Variants in INPP4B observed in about 807,000 individuals in gnomAD.
The protein encoded by INPP4B is inositol polyphosphate-4-phosphatase type II B.
A neutral mutation model predicts 122.5 loss-of-function variants in INPP4B; 55 were observed. The ratio of observed to expected loss-of-function variants is 0.45; its 90% CI spans 0.36 to 0.56. INPP4B has a LOEUF of 0.56. Ranked by LOEUF, INPP4B falls within the 20% of genes least tolerant of loss-of-function variation. INPP4B has a pLI of 0.00. For synonymous variants in INPP4B, 403 were observed against 388.7 expected, an observed-to-expected ratio of 1.04 and a Z score of -0.43; for missense variants, 1,000 against 1,097.7, an observed-to-expected ratio of 0.91 and a Z score of 1.26.
chr4:142,124,653 G>A lies in INPP4B; in HGVS notation c.1828C>T (p.Leu610Phe), dbSNP rs755456865. The A allele has an allele frequency of 8.1e-6, 13 of 1,613,474 alleles. No individual in the cohort carries two copies. In the South Asian group the frequency reaches 1.4e-4, roughly 18 times the overall value. ...AGACACTGGGGCAAGCTGTACGCAA[G>A]TTCCTGAAGGAGCACAAATGTCAGG... The part of the protein sequence containing the change: ...QSLTFVLLQE[L>F]AYSLPQCLML... The change falls in exon 19 of 26, where the codon CTT becomes TTT. Residue 610 changes from leucine (L) to phenylalanine (F), a missense_variant. Coordinates refer to ENST00000262992, the MANE Select transcript of INPP4B (RefSeq NM_001101669.3).
chr4:142,632,211 G>A (rs1748118072), intron 2 of INPP4B, among the ~76,000 whole-genome samples: 1 of 152,022 alleles, frequency 6.6e-6, no homozygotes, highest in Non-Finnish European at 1.5e-5. Flanking sequence ...TCCGACATGG[G>A]GTCACCTTTG....
At chr4:142,547,645 G>A (rs560682536) in intron 2 of INPP4B, among the ~76,000 whole-genome samples, 51 of 152,236 alleles carry the variant, frequency 3.4e-4, no homozygotes, top group African/African-American at 1.2e-3. Context: ...TAAGTGACTT[G>A]GCTGAAGTGA....
intron 1 of INPP4B, among the ~76,000 whole-genome samples, chr4:142,831,448 T>C (rs1782128389): frequency 6.6e-6 from 1 of 152,174 alleles, no homozygotes; most frequent in African/African-American, 2.4e-5. Flanking sequence ...AATTGTGACT[T>C]GTCTGCTTTT....
intron 2 of INPP4B, among the ~76,000 whole-genome samples, chr4:142,517,952 T>C (rs904340325): frequency 6.6e-6 from 1 of 152,212 alleles, no homozygotes; most frequent in African/African-American, 2.4e-5. Context: ...AGAGGTAAAT[T>C]ACTCACTGTC....
At chr4:142,286,965 A>G (rs987203990) in intron 9 of INPP4B, 2 of 152,092 alleles carry the variant, frequency 1.3e-5, no homozygotes, top group Non-Finnish European at 2.9e-5. Context: ...CCTTTTTTTA[A>G]GCTACTTGAT....
chr4:142,281,152 A>G, intron 9 of INPP4B, among the ~76,000 whole-genome samples: 1 of 151,850 alleles, frequency 6.6e-6, no homozygotes. Flanking sequence ...GAAAGAGGAA[A>G]AGAGTGCTAC....
chr4:142,781,744 G>A (rs1774857087), intron 1 of INPP4B, among the ~76,000 whole-genome samples: 3 of 152,066 alleles, frequency 2.0e-5, no homozygotes, highest in African/African-American at 7.2e-5. Context: ...TTCACGTAAG[G>A]TGTGTGCCAC....
intron 1 of INPP4B, among the ~76,000 whole-genome samples, chr4:142,833,394 T>A (rs1044074031): frequency 2.6e-5 from 4 of 152,116 alleles, no homozygotes; most frequent in Admixed American, 6.6e-5. Context: ...TCACCCAAGA[T>A]GAATTTATAT....
chr4:142,399,154 T>C (rs1800739063), intron 7 of INPP4B, among the ~76,000 whole-genome samples: 1 of 150,590 alleles, frequency 6.6e-6, no homozygotes, highest in Non-Finnish European at 1.5e-5. Context: ...CAAAGTTTTA[T>C]GGTGATGTTC....
intron 9 of INPP4B, among the ~76,000 whole-genome samples, chr4:142,293,543 A>G (rs1579627516): frequency 1.3e-5 from 2 of 152,228 alleles, no homozygotes; most frequent in African/African-American, 4.8e-5. Context: ...CTTCTCTTCT[A>G]CCTTCTTAAA....
chr4:142,688,922 C>T (rs894073164), intron 2 of INPP4B, among the ~76,000 whole-genome samples: 6 of 152,198 alleles, frequency 3.9e-5, no homozygotes, highest in African/African-American at 1.2e-4. Flanking sequence ...AATAAGCTGG[C>T]TCATCTGGTC....
rs555788522 is a variant in INPP4B at position 142,572,279 on chromosome 4, G to A, written c.-190-109553C>T. 3.9e-5 allele frequency among the ~76,000 whole-genome samples: 6 copies of A among 152,238 alleles called. No homozygotes were observed. The South Asian group carries it at 1.2e-3, about 32-fold the overall frequency. On this transcript the variant is annotated intron_variant, in intron 2 of 25. Coordinates refer to ENST00000262992, the MANE Select transcript of INPP4B (RefSeq NM_001101669.3). ...GTTTCCTGAGAAGTGCTGAGCATTG[G>A]CACATTTGTGTCACCCACAGAAAGA...
At chr4:142,149,400 G>C (rs1812565483) in intron 17 of INPP4B, among the ~76,000 whole-genome samples, 1 of 152,190 alleles carries the variant, frequency 6.6e-6, no homozygotes, top group Non-Finnish European at 1.5e-5. Context: ...TAGAGATAAA[G>C]AGAATTCTGG....
At chr4:142,080,929 A>G (rs1042987918) in intron 25 of INPP4B, among the ~76,000 whole-genome samples, 8 of 152,140 alleles carry the variant, frequency 5.3e-5, no homozygotes, top group African/African-American at 1.2e-4. Flanking sequence ...AAGTTTTTAT[A>G]TCAACCAAAC....
At chr4:142,745,463 C>T (rs1271968091) in intron 1 of INPP4B, among the ~76,000 whole-genome samples, 1 of 151,882 alleles carries the variant, frequency 6.6e-6, no homozygotes, top group Non-Finnish European at 1.5e-5. Context: ...TGACCATTCA[C>T]ATGTTTTCTA....
intron 7 of INPP4B, among the ~76,000 whole-genome samples, chr4:142,338,752 T>C (rs1216370078): frequency 6.6e-6 from 1 of 152,190 alleles, no homozygotes; most frequent in Non-Finnish European, 1.5e-5. Context: ...ATTTCCTGGT[T>C]CTAATTTTCA....
chr4:142,386,244 A>C (rs67760986), intron 7 of INPP4B, among the ~76,000 whole-genome samples: 33,686 of 152,028 alleles, frequency 0.22, 4,360 homozygotes, highest in African/African-American at 0.36. Context: ...CATTGTGTAC[A>C]TATACCACAT....
rs1295197757 is a variant in INPP4B, at chr4:142,846,099, T to A, written c.-254+110A>T. ...CAGACAGGCTCCCCCCTCCAAGACGTGCCGCCACGCTCTCAGACACGCTCC... is the reference window on the plus strand; with the variant it reads ...CAGACAGGCTCCCCCCTCCAAGACGAGCCGCCACGCTCTCAGACACGCTCC... On this transcript the variant is annotated intron_variant, in intron 1 of 25. Transcript: ENST00000262992. This position sits in a 1 kb window ranked among gnomAD's most constrained non-coding sequence, Gnocchi z 5.1. The A allele has an allele frequency of 6.6e-6, 1 of 152,158 alleles. No individual in the cohort carries two copies. The highest frequency in any genetic ancestry group is 2.0e-4 in the East Asian group (1 of 5,124). 9.4% of individuals were successfully genotyped at this position (152,158 alleles called of 1,614,324 possible).
At chr4:142,545,290 T>C (rs1829416017) in intron 2 of INPP4B, among the ~76,000 whole-genome samples, 1 of 152,160 alleles carries the variant, frequency 6.6e-6, no homozygotes, top group Non-Finnish European at 1.5e-5. Flanking sequence ...TGCCAAACAC[T>C]GACTATTGTG....
Sources: gnomAD v4.1 joint callset for allele counts (sites outside exome capture counted in the v4.1 genomes callset) on GRCh38, gnomAD v4.1.1 for gene constraint, Gnocchi (gnomAD v3.1) non-coding constraint, MANE v1.5 for transcripts, NCBI Gene and HGNC (gene_info 2026-07-23, HGNC 2026-07-21) for gene names.